BBS9: variants seen among roughly 807,000 people sequenced by gnomAD.
The protein encoded by BBS9 is Bardet-Biedl syndrome 9.
A neutral mutation model predicts 117.7 loss-of-function variants in BBS9; 89 were observed. That is an observed-to-expected ratio of 0.76 (90% CI 0.64 to 0.90). The LOEUF is 0.90. Among genes scored for constraint, BBS9 ranks in the 40% least tolerant of loss-of-function variants. The pLI, the probability that BBS9 is intolerant of heterozygous loss-of-function variation, is 0.00. For missense variants in BBS9, 982 were observed against 1,042.2 expected (o/e 0.94, Z 0.80); for synonymous variants, 379 against 370.9 (o/e 1.02, Z -0.25).
In BBS9 at chr7:33,556,058, A is replaced by G. The variant is rs543329139; in HGVS notation, c.2521+21882A>G. Among the ~76,000 whole-genome samples the G allele has an allele frequency of 5.3e-5, 8 of 152,280 alleles. No individual in the cohort carries two copies. The East Asian group carries it at 9.6e-4, about 18-fold the overall frequency. On this transcript the variant is annotated intron_variant, in intron 21 of 22. Coordinates refer to ENST00000242067, the MANE Select transcript of BBS9 (RefSeq NM_198428.3). ...AACTGATCACACTTGGTAGTGCACA[A>G]TGTTATGAAGTAGTACGTATTTGGA...
At chr7:33,195,290 CT>C (rs1784763363) in intron 5 of BBS9, among the ~76,000 whole-genome samples, 1 of 152,152 alleles carries the variant, frequency 6.6e-6, no homozygotes, top group African/African-American at 2.4e-5. Context: ...GTGTTATATA[CT>C]TTAGACTTTG....
intron 21 of BBS9, among the ~76,000 whole-genome samples, chr7:33,536,007 C>G (rs1851311365): frequency 6.6e-6 from 1 of 151,788 alleles, no homozygotes; most frequent in African/African-American, 2.4e-5. Context: ...GTGTCCGTAT[C>G]TAGGATGTGG....
chr7:33,354,624 G>T (rs1032235984), intron 15 of BBS9, among the ~76,000 whole-genome samples: 1 of 152,000 alleles, frequency 6.6e-6, no homozygotes, highest in South Asian at 2.1e-4. Flanking sequence ...TAATATATAG[G>T]TATGGTTATT....
intron 21 of BBS9, among the ~76,000 whole-genome samples, chr7:33,611,872 T>TAATCCTTTAATATTAAAGGATAAAATA (rs1864897853): frequency 1.4e-5 from 2 of 144,446 alleles, no homozygotes; most frequent in African/African-American, 2.5e-5. Context: ...GGAATAAATA[T>TAATCCTTTAATATTAAAGGATAAAATA]AATCCTTTAA....
intron 21 of BBS9, among the ~76,000 whole-genome samples, chr7:33,611,401 T>G (rs1585473935): frequency 1.3e-5 from 2 of 148,690 alleles, no homozygotes; most frequent in African/African-American, 4.9e-5. Flanking sequence ...GAAATTTAGG[T>G]CTGTAATATT....
intron 20 of BBS9, among the ~76,000 whole-genome samples, chr7:33,512,621 C>G (rs1847125548): frequency 6.6e-6 from 1 of 152,210 alleles, no homozygotes; most frequent in Non-Finnish European, 1.5e-5. Context: ...GTTTAGTTTT[C>G]TTAAAATACT....
chr7:33,485,778 T>C (rs897474098), intron 19 of BBS9, among the ~76,000 whole-genome samples: 15 of 152,294 alleles, frequency 9.8e-5, no homozygotes, highest in African/African-American at 3.6e-4. Flanking sequence ...AAATCCAAAA[T>C]TAAATAATTG....
chr7:33,486,036 G>A (rs767939591), intron 19 of BBS9, among the ~76,000 whole-genome samples: 3 of 152,116 alleles, frequency 2.0e-5, no homozygotes, highest in Non-Finnish European at 4.4e-5. Context: ...GTTCTTGTTG[G>A]CGGTGTGGGA....
intron 1 of BBS9, among the ~76,000 whole-genome samples, chr7:33,134,339 A>G (rs988422310): frequency 6.7e-6 from 1 of 150,316 alleles, no homozygotes; most frequent in African/African-American, 2.5e-5. Flanking sequence ...TGCTGGGATT[A>G]CAGGCGTGAG....
At chr7:33,427,696 ATCAT>A (rs1042367955) in intron 19 of BBS9, among the ~76,000 whole-genome samples, 6 of 152,152 alleles carry the variant, frequency 3.9e-5, no homozygotes, top group Non-Finnish European at 7.4e-5. Flanking sequence ...TTCTGATGTA[ATCAT>A]TCATATTATT....
chr7:33,480,844 C>A (rs1306850022), intron 19 of BBS9, among the ~76,000 whole-genome samples: 1 of 152,112 alleles, frequency 6.6e-6, no homozygotes, highest in Non-Finnish European at 1.5e-5. Context: ...ATCATGGAGG[C>A]AGTTTCTCAT....
chr7:33,434,549 G>A (rs1047972805), intron 19 of BBS9, among the ~76,000 whole-genome samples: 10 of 152,050 alleles, frequency 6.6e-5, no homozygotes, highest in Non-Finnish European at 8.8e-5. Flanking sequence ...ATATGGTGTA[G>A]GGGTCTGAGC....
chr7:33,630,404 A>G lies in BBS9; in HGVS notation c.2522-4773A>G, dbSNP rs1039404054. 2.6e-5 allele frequency among the ~76,000 whole-genome samples: 4 copies of G among 152,006 alleles called. No individual in the cohort carries two copies. The East Asian group carries it at 7.7e-4, about 29-fold the overall frequency. On this transcript the variant is annotated intron_variant, in intron 21 of 21. Coordinates refer to the BBS9 transcript ENST00000671952. ...TTCTTCTGGGGAGTTTTTTTGGAGTAAAAAATTAAACTCCTATAATTATGG... is the reference window on the plus strand; with the variant it reads ...TTCTTCTGGGGAGTTTTTTTGGAGTGAAAAATTAAACTCCTATAATTATGG...
rs978883433 is a variant in BBS9, at chr7:33,403,088, T to A, written c.2115+14944T>A. On this transcript the variant is annotated intron_variant, in intron 19 of 22. Coordinates refer to ENST00000242067, the MANE Select transcript of BBS9 (RefSeq NM_198428.3). The stretch of plus-strand genomic sequence containing the variant: ...ATACCATAATTCCTTTAAAATTTTT[T>A]AAAAAAATAATTTCAACTTTTATTT... Among the ~76,000 whole-genome samples, 10 of 152,034 alleles carry A rather than the reference T, an allele frequency of 6.6e-5. No homozygotes were observed. In the East Asian group the frequency reaches 7.7e-4, roughly 12 times the overall value.
At chr7:33,312,532 T>C (rs1809500811) in intron 9 of BBS9, among the ~76,000 whole-genome samples, 1 of 152,220 alleles carries the variant, frequency 6.6e-6, no homozygotes, top group African/African-American at 2.4e-5. Context: ...AGTCTTTCCA[T>C]AGCTTCTCAT....
intron 1 of BBS9, among the ~76,000 whole-genome samples, chr7:33,140,937 G>A (rs1293214723): frequency 6.6e-6 from 1 of 152,038 alleles, no homozygotes; most frequent in Non-Finnish European, 1.5e-5. Context: ...ACTATGGATG[G>A]AATTTTCTTT....
chr7:33,386,275 G>A (rs944515385), intron 18 of BBS9, among the ~76,000 whole-genome samples: 3 of 151,782 alleles, frequency 2.0e-5, no homozygotes, highest in Non-Finnish European at 4.4e-5. Flanking sequence ...GCACTGAAAG[G>A]GTAAGGAATT....
At chr7:33,577,603 G>A (rs188274785) in intron 21 of BBS9, among the ~76,000 whole-genome samples, 102 of 152,246 alleles carry the variant, frequency 6.7e-4, no homozygotes, top group Non-Finnish European at 1.1e-3. Flanking sequence ...ACACGCACAC[G>A]TATGTTTATT....
chr7:33,624,767 G>A (rs1291541537), intron 21 of BBS9, among the ~76,000 whole-genome samples: 1 of 152,200 alleles, frequency 6.6e-6, no homozygotes, highest in African/African-American at 2.4e-5. Context: ...GGGAGTTAAA[G>A]GGGGCACTAT....
Sources: gnomAD v4.1 joint callset for allele counts (sites outside exome capture counted in the v4.1 genomes callset) on GRCh38, gnomAD v4.1.1 for gene constraint, MANE v1.5 for transcripts, NCBI Gene and HGNC (gene_info 2026-07-23, HGNC 2026-07-21) for gene names.